The following TSHZ3 variants were observed in gnomAD, a reference collection of about 807,000 sequenced individuals.
TSHZ3 encodes teashirt homolog 3.
In TSHZ3, 10 loss-of-function variants were observed where a neutral mutation model predicts 64.5. The observed-to-expected ratio is 0.16, with a 90% CI of 0.10 to 0.26. TSHZ3 has a LOEUF of 0.26. TSHZ3 is among the 10% of genes least tolerant of loss of function. The probability of loss-of-function intolerance (pLI) is 1.00; values close to 1 mark genes in which losing one functional copy is unlikely to be tolerated. For synonymous variants in TSHZ3, 608 were observed against 593.1 expected (o/e 1.03, Z -0.36); for missense variants, 1,242 against 1,421.7 (o/e 0.87, Z 2.03).
chr19:31,301,211 C>G (rs1293580118), intron 1 of TSHZ3, among the ~76,000 whole-genome samples: 1 of 151,952 alleles, frequency 6.6e-6, no homozygotes, highest in Non-Finnish European at 1.5e-5. Flanking sequence ...TGCAAAGAAG[C>G]GGGTGGTGCA....
Position 31,287,221 on chromosome 19 carries a change from C to T in TSHZ3, c.41-7469G>A, listed in dbSNP as rs559259938. 2.2e-4 allele frequency among the ~76,000 whole-genome samples: 33 copies of T among 152,284 alleles called. No homozygotes were observed. In the South Asian group the frequency reaches 6.8e-3, roughly 32 times the overall value. ...TATGGCTGTGTCCCGCTCCCCAATG[C>T]AATTTCCAAGTAAAATGCCCTGTGA... On this transcript the variant is annotated intron_variant, in intron 1 of 1. Coordinates refer to ENST00000240587, the MANE Select transcript of TSHZ3 (RefSeq NM_020856.4).
At chr19:31,170,363 C>T (rs1042026200) in intron 5 of TSHZ3, among the ~76,000 whole-genome samples, 7 of 152,278 alleles carry the variant, frequency 4.6e-5, no homozygotes, top group South Asian at 2.1e-4. Flanking sequence ...GCCCTACCCT[C>T]ATTACCTTAT....
At chr19:31,195,814 T>C (rs1020892689) in intron 5 of TSHZ3, 1 of 152,048 alleles carries the variant, frequency 6.6e-6, no homozygotes, top group African/African-American at 2.4e-5. Context: ...ACATAATCAA[T>C]ATAGTCATGT....
intron 4 of TSHZ3, among the ~76,000 whole-genome samples, chr19:31,217,452 G>A (rs1975349205): frequency 6.6e-6 from 1 of 152,002 alleles, no homozygotes; most frequent in Admixed American, 6.6e-5. Context: ...AGAAAAGGGA[G>A]GTCGTAATCT....
chr19:31,258,133 T>C (rs1975936582), intron 1 of TSHZ3, among the ~76,000 whole-genome samples: 1 of 152,172 alleles, frequency 6.6e-6, no homozygotes, highest in Non-Finnish European at 1.5e-5. Flanking sequence ...GGCGAGGAGC[T>C]GGGGTTCAGA....
intron 2 of TSHZ3, among the ~76,000 whole-genome samples, chr19:31,242,680 G>A (rs1275019744): frequency 1.3e-5 from 2 of 151,966 alleles, no homozygotes; most frequent in African/African-American, 4.8e-5. Context: ...GGCAGCAGCA[G>A]ATGTATGTCT....
chr19:31,205,361 T>C (rs1216284547), intron 4 of TSHZ3, among the ~76,000 whole-genome samples: 3 of 152,204 alleles, frequency 2.0e-5, no homozygotes, highest in Non-Finnish European at 2.9e-5. Flanking sequence ...TGCCCCTTTT[T>C]TATTCCATTA....
In TSHZ3 at chr19:31,325,164, G is replaced by A. The variant is rs559787542; in HGVS notation, c.40+24016C>T. ...GTCTTGGCCGTTGGGCTCTCTGAGC[G>A]ACCTCAGGTAATGAGGATGCCTATG... On this transcript the variant is annotated intron_variant, in intron 1 of 1. Transcript: ENST00000240587. 5.3e-5 allele frequency among the ~76,000 whole-genome samples: 8 copies of A among 152,296 alleles called. No individual in the cohort carries two copies. The South Asian group carries it at 6.2e-4, about 12-fold the overall frequency.
At chr19:31,264,741 A>T (rs1398778910) in intron 1 of TSHZ3, among the ~76,000 whole-genome samples, 3 of 151,732 alleles carry the variant, frequency 2.0e-5, no homozygotes, top group Non-Finnish European at 4.4e-5. Context: ...GTGTGGCTCA[A>T]GCCAAACAAA....
intron 1 of TSHZ3, among the ~76,000 whole-genome samples, chr19:31,268,673 T>C (rs998613967): frequency 6.6e-6 from 1 of 152,144 alleles, no homozygotes; most frequent in African/African-American, 2.4e-5. Context: ...TGAGGTGAGC[T>C]TGTGCCACCC....
At chr19:31,291,923 G>A (rs947873525) in intron 1 of TSHZ3, among the ~76,000 whole-genome samples, 2 of 152,316 alleles carry the variant, frequency 1.3e-5, no homozygotes, top group Non-Finnish European at 1.5e-5. Flanking sequence ...GGTAGCCAGC[G>A]ACGGTCTATA....
chr19:31,249,747 C>T lies in TSHZ3; in HGVS notation n.64-6872G>A, dbSNP rs1284846387. Among the ~76,000 whole-genome samples, 4 of 152,188 alleles carry T rather than the reference C, an allele frequency of 2.6e-5. No homozygotes were observed. The East Asian group carries it at 7.7e-4, about 29-fold the overall frequency. On this transcript the variant is annotated intron_variant and non_coding_transcript_variant, in intron 1 of 6. Transcript: ENST00000651361. Reference sequence around the variant, plus strand: ...GGGAGACCCCAGAGATAGGGCCAGACAGGCCTCCGCCCCTCCCTCTGGCAG... The same window carrying T: ...GGGAGACCCCAGAGATAGGGCCAGATAGGCCTCCGCCCCTCCCTCTGGCAG...
chr19:31,247,555 T>A (rs528361879), intron 1 of TSHZ3, among the ~76,000 whole-genome samples: 1 of 152,196 alleles, frequency 6.6e-6, no homozygotes. Flanking sequence ...GATAAAGGCA[T>A]AAAAGGAGGC....
At chr19:31,214,794 G>A (rs987585555) in intron 4 of TSHZ3, among the ~76,000 whole-genome samples, 2 of 151,710 alleles carry the variant, frequency 1.3e-5, no homozygotes, top group South Asian at 4.2e-4. Flanking sequence ...TGTAGTCCCA[G>A]CTACTCGGGA....
chr19:31,338,614 TA>T lies in TSHZ3; in HGVS notation c.40+10565del, dbSNP rs572298416. Among the ~76,000 whole-genome samples, 5 of 150,078 alleles carry T rather than the reference TA, an allele frequency of 3.3e-5. No homozygotes were observed. The South Asian group carries it at 6.4e-4, about 19-fold the overall frequency. On this transcript the variant is annotated intron_variant, in intron 1 of 1. Coordinates refer to ENST00000240587, the MANE Select transcript of TSHZ3 (RefSeq NM_020856.4). ...TTTTTTTTTAGCATGACACGGAGTTTAAAAAAAATCAGACAAGGGTTCTGGC... is the reference window on the plus strand; with the variant it reads ...TTTTTTTTTAGCATGACACGGAGTTTAAAAAAATCAGACAAGGGTTCTGGC...
At chr19:31,193,796 T>C (rs1599573875) in intron 5 of TSHZ3, among the ~76,000 whole-genome samples, 1 of 152,364 alleles carries the variant, frequency 6.6e-6, no homozygotes, top group East Asian at 1.9e-4. Flanking sequence ...TATCATAATG[T>C]ATTTTTGTTA....
chr19:31,265,397 C>CAAAAAAAAAAAAAAAAAAAAAAAAAAA (rs11432951), intron 1 of TSHZ3, among the ~76,000 whole-genome samples: 2 of 34,282 alleles, frequency 5.8e-5, no homozygotes, highest in African/African-American at 1.2e-4. Context: ...AACTCTGTCT[C>CAAAAAAAAAAAAAAAAAAAAAAAAAAA]AAAAAAAAAA....
At chr19:31,214,909 G>GA (rs950173415) in intron 4 of TSHZ3, among the ~76,000 whole-genome samples, 2,013 of 41,492 alleles carry the variant, frequency 0.049, 76 homozygotes, top group African/African-American at 0.11. Context: ...CTCTGTCTCA[G>GA]AAAAAAAAAA....
At chr19:31,216,919 G>A (rs1186562668) in intron 4 of TSHZ3, among the ~76,000 whole-genome samples, 1 of 152,032 alleles carries the variant, frequency 6.6e-6, no homozygotes, top group African/African-American at 2.4e-5. Context: ...GCCTCCCAAA[G>A]TGCTGGGATT....
Sources: gnomAD v4.1 joint callset for allele counts (sites outside exome capture counted in the v4.1 genomes callset) on GRCh38, gnomAD v4.1.1 for gene constraint, MANE v1.5 for transcripts, NCBI Gene and HGNC (gene_info 2026-07-23, HGNC 2026-07-21) for gene names.